The following KCNMA1 variants were observed in gnomAD, a reference collection of about 807,000 sequenced individuals.
KCNMA1 encodes Calcium-activated potassium channel subunit alpha-1.
A neutral mutation model predicts 140.0 loss-of-function variants in KCNMA1; 29 were observed. The observed-to-expected ratio is 0.21, with a 90% confidence interval of 0.15 to 0.28. The LOEUF is 0.28. Among genes scored for constraint, KCNMA1 ranks in the 10% least tolerant of loss-of-function variants. The pLI, the probability that KCNMA1 is intolerant of heterozygous loss-of-function variation, is 1.00. For missense variants in KCNMA1, 880 were observed against 1,602.2 expected (o/e 0.55, Z 7.70); for synonymous variants, 612 against 611.9 (o/e 1.00, Z 0.00).
chr10:77,477,242 T>C (rs2098298454), intron 1 of KCNMA1, among the ~76,000 whole-genome samples: 2 of 152,238 alleles, frequency 1.3e-5, no homozygotes, highest in Admixed American at 1.3e-4. Context: ...CTCCTTATCA[T>C]AACACGAAAC....
chr10:76,940,672 A>G (rs150148723), intron 23 of KCNMA1, among the ~76,000 whole-genome samples: 202 of 152,184 alleles, frequency 1.3e-3, no homozygotes, highest in African/African-American at 4.5e-3. Flanking sequence ...AGGAAGTTAG[A>G]TTTGTTTTCC....
At chr10:77,242,715 A>G (rs955614555) in intron 3 of KCNMA1, among the ~76,000 whole-genome samples, 8 of 152,214 alleles carry the variant, frequency 5.3e-5, no homozygotes, top group Admixed American at 4.6e-4. Flanking sequence ...ATTCCCCAGT[A>G]CCTAGCAAAA....
chr10:76,948,792 T>C (rs1285235062), intron 22 of KCNMA1, among the ~76,000 whole-genome samples: 1 of 152,228 alleles, frequency 6.6e-6, no homozygotes, highest in Non-Finnish European at 1.5e-5. Context: ...TATAATGCTA[T>C]AAATAGTTCT....
chr10:77,054,288 T>G (rs2095472843), intron 14 of KCNMA1, among the ~76,000 whole-genome samples: 2 of 152,118 alleles, frequency 1.3e-5, no homozygotes, highest in African/African-American at 4.8e-5. Flanking sequence ...ATTGCCAAAT[T>G]TTAGCCAAAA....
chr10:77,197,962 G>C (rs911374643), intron 3 of KCNMA1, among the ~76,000 whole-genome samples: 1 of 152,154 alleles, frequency 6.6e-6, no homozygotes, highest in Admixed American at 6.5e-5. Context: ...TTGGGGACGA[G>C]GAGGGGCGAG....
intron 2 of KCNMA1, among the ~76,000 whole-genome samples, chr10:77,341,786 G>A (rs941995668): frequency 2.0e-5 from 3 of 152,192 alleles, no homozygotes; most frequent in Non-Finnish European, 4.4e-5. Context: ...GGAAGGAAAC[G>A]CTGGGTCCAC....
chr10:77,282,678 C>A (rs2069086190), intron 2 of KCNMA1, among the ~76,000 whole-genome samples: 1 of 152,022 alleles, frequency 6.6e-6, no homozygotes, highest in African/African-American at 2.4e-5. Flanking sequence ...CTCCCCAGCC[C>A]CCAGCCTCCC....
chr10:77,635,618 T>A (rs1213224816), intron 1 of KCNMA1: 2 of 152,214 alleles, frequency 1.3e-5, no homozygotes, highest in Non-Finnish European at 2.9e-5. Context: ...GGAAGGCTAG[T>A]CAGGGATCTG....
chr10:77,482,589 G>A (rs961655220), intron 1 of KCNMA1, among the ~76,000 whole-genome samples: 1 of 152,022 alleles, frequency 6.6e-6, no homozygotes, highest in African/African-American at 2.4e-5. Flanking sequence ...GGCCATTTGG[G>A]ACCTTTTGCC....
At chr10:77,146,799 C>T (rs181139863) in intron 5 of KCNMA1, among the ~76,000 whole-genome samples, 4 of 149,082 alleles carry the variant, frequency 2.7e-5, no homozygotes, top group East Asian at 4.2e-4. Context: ...AATTGATCTA[C>T]GTGTGTTTTA....
intron 26 of KCNMA1, chr10:76,889,911 G>A (rs1327015707): frequency 7.9e-6 from 3 of 377,574 alleles, no homozygotes; most frequent in Non-Finnish European, 1.5e-5. Context: ...CTCAGCTGAG[G>A]AGATGAACCC....
At chr10:77,462,093 G>T (rs113918623) in intron 1 of KCNMA1, among the ~76,000 whole-genome samples, 6,752 of 151,002 alleles carry the variant, frequency 0.045, 332 homozygotes, top group African/African-American at 0.12. Flanking sequence ...CACGGACACG[G>T]ACACACACAG....
At chr10:77,011,874 G>A in intron 18 of KCNMA1, 93 bp downstream of exon 18, 2 of 1,086,504 alleles carry the variant, frequency 1.8e-6, no homozygotes, top group South Asian at 1.3e-5. Context: ...AACTCTCGAT[G>A]TTTAGTGTTT....
At chr10:77,531,842 G>A (rs1470127454) in intron 1 of KCNMA1, among the ~76,000 whole-genome samples, 3 of 152,168 alleles carry the variant, frequency 2.0e-5, no homozygotes, top group South Asian at 2.1e-4. Context: ...ACTTGCCCAC[G>A]GGCACTCAGC....
At chr10:77,087,073 G>T (rs962617986) in intron 10 of KCNMA1, among the ~76,000 whole-genome samples, 3 of 152,186 alleles carry the variant, frequency 2.0e-5, no homozygotes, top group African/African-American at 7.2e-5. Context: ...TCCTTTGAGG[G>T]TCTGAAGAGA....
intron 2 of KCNMA1, among the ~76,000 whole-genome samples, chr10:77,260,749 A>G (rs1338082124): frequency 6.6e-6 from 1 of 152,080 alleles, no homozygotes; most frequent in Non-Finnish European, 1.5e-5. Context: ...AAAAACAGAA[A>G]CAGCAACCTC....
chr10:77,339,570 A>C (rs1468919592), intron 2 of KCNMA1, among the ~76,000 whole-genome samples: 2 of 152,082 alleles, frequency 1.3e-5, no homozygotes, highest in Non-Finnish European at 2.9e-5. Context: ...ATGGTGCCTC[A>C]AGTCAAAGAC....
chr10:76,952,139 A>G, intron 21 of KCNMA1: 1 of 1,551,718 alleles, frequency 6.4e-7, no homozygotes, highest in Non-Finnish European at 8.7e-7. Context: ...TAGGTCCCAG[A>G]TACGGCATCC....
At chr10:77,423,781 T>A (rs1349646266) in intron 1 of KCNMA1, among the ~76,000 whole-genome samples, 1 of 152,180 alleles carries the variant, frequency 6.6e-6, no homozygotes, top group Non-Finnish European at 1.5e-5. Flanking sequence ...GTGAGACTTT[T>A]AGGATGCTCA....
Sources: allele counts gnomAD v4.1 joint callset (sites outside exome capture counted in the v4.1 genomes callset), GRCh38; gene constraint gnomAD v4.1.1; transcripts MANE v1.5; gene names NCBI Gene and HGNC (gene_info 2026-07-23, HGNC 2026-07-21).